Variants in SIMC1 observed in about 807,000 individuals in gnomAD.
SIMC1 encodes SUMO-interacting motif-containing protein 1.
Under a neutral mutation model 82.3 loss-of-function variants are expected in SIMC1, and 55 were observed. The observed-to-expected ratio is 0.67, with a 90% confidence interval of 0.54 to 0.84. The LOEUF (loss-of-function observed/expected upper bound fraction) is 0.84. Among genes scored for constraint, SIMC1 ranks in the 40% least tolerant of loss-of-function variants. The probability of loss-of-function intolerance (pLI) is 0.00; values close to 1 mark genes in which losing one functional copy is unlikely to be tolerated. For missense variants in SIMC1, 915 were observed against 1,107.2 expected, an observed-to-expected ratio of 0.83 and a Z score of 2.46; for synonymous variants, 353 against 426.3, an observed-to-expected ratio of 0.83 and a Z score of 2.12.
At chr5:176,247,465 T>G (rs1284582122) in intron 1 of SIMC1, among the ~76,000 whole-genome samples, 2 of 152,124 alleles carry the variant, frequency 1.3e-5, no homozygotes, top group Non-Finnish European at 2.9e-5. Context: ...GTTTGTTTTT[T>G]TCTTGTAAAT....
chr5:176,325,214 C>G (rs1485998634), intron 7 of SIMC1, among the ~76,000 whole-genome samples: 1 of 152,044 alleles, frequency 6.6e-6, no homozygotes, highest in African/African-American at 2.4e-5. Flanking sequence ...TGGTGAAACC[C>G]TGTCTCTACT....
At chr5:176,315,945 C>T (rs1035236635) in intron 5 of SIMC1, among the ~76,000 whole-genome samples, 8 of 151,636 alleles carry the variant, frequency 5.3e-5, no homozygotes, top group Non-Finnish European at 5.9e-5. Context: ...GAGGCCAAGG[C>T]GGGCAGATCA....
Position 176,322,328 on chromosome 5 carries a change from C to G in SIMC1, c.1945C>G (p.Pro649Ala), listed in dbSNP as rs779960622. The change falls in exon 6 of 10, where the codon CCA becomes GCA. Residue 649 changes from proline to alanine, a missense_variant. This residue lies in a region of SIMC1 where 902 missense variants were observed against 1,040.3 expected (regional missense o/e 0.87). Coordinates refer to ENST00000429602, the MANE Select transcript of SIMC1 (RefSeq NM_001308195.2). ...AACTGAAGATGGATTGACTCAGCCCCCAAATGGAAATCAAACGTCTTCAGG... is the reference window on the plus strand; with the variant it reads ...AACTGAAGATGGATTGACTCAGCCCGCAAATGGAAATCAAACGTCTTCAGG... ...AVTEDGLTQP[P>A]NGNQTSSGTG... 2 of 1,589,496 alleles carry G rather than the reference C, an allele frequency of 1.3e-6. No individual in the cohort carries two copies. The highest frequency in any genetic ancestry group is 2.3e-5 in the South Asian group (2 of 87,136).
At chr5:176,273,334 C>A (rs896490639) in intron 1 of SIMC1, among the ~76,000 whole-genome samples, 1 of 152,102 alleles carries the variant, frequency 6.6e-6, no homozygotes, top group Non-Finnish European at 1.5e-5. Flanking sequence ...CTGGAATGGA[C>A]CTCCAGCAAA....
intron 1 of SIMC1, among the ~76,000 whole-genome samples, chr5:176,279,623 T>G (rs954797724): frequency 2.6e-4 from 39 of 150,844 alleles, no homozygotes; most frequent in Non-Finnish European, 4.6e-4. Context: ...TGCTATAAAT[T>G]TCCCTCTACA....
chr5:176,331,980 A>G (rs1264538085), intron 7 of SIMC1, among the ~76,000 whole-genome samples: 1 of 152,132 alleles, frequency 6.6e-6, no homozygotes, highest in Admixed American at 6.5e-5. Flanking sequence ...AAAAAAACAA[A>G]CAAACACAAA....
chr5:176,271,052 C>A (rs1383418655), intron 1 of SIMC1, among the ~76,000 whole-genome samples: 1 of 152,270 alleles, frequency 6.6e-6, no homozygotes, highest in South Asian at 2.1e-4. Flanking sequence ...GCACAACTCA[C>A]AGCACCGGGA....
In SIMC1 at chr5:176,295,079, T is replaced by C. The variant is rs953619602; in HGVS notation, c.1481T>C (p.Val494Ala). The C allele has an allele frequency of 6.2e-7, 1 of 1,612,958 alleles. No individual in the cohort carries two copies. Among genetic ancestry groups the C allele is most frequent in the African/African-American group, 1.3e-5 (1 of 74,644 alleles). Residue 494 changes from valine to alanine, a missense_variant, in exon 3 of 10, where the codon GTA (valine) becomes GCA (alanine). Val to Ala is a moderately conservative substitution (Grantham distance 64, BLOSUM62 0). Transcript: ENST00000429602. ...EPIPHRRLRM[V>A]TNTIEENFPL... ...ATCCCTCATCGAAGACTAAGAATGGTAACAAATACCATTGAAGAGAATTTT... is the reference window on the plus strand; with the variant it reads ...ATCCCTCATCGAAGACTAAGAATGGCAACAAATACCATTGAAGAGAATTTT...
chr5:176,290,105 G>A lies in SIMC1; in HGVS notation c.581G>A (p.Ser194Asn), dbSNP rs1171648749. The change falls in exon 2 of 10, where the codon AGC becomes AAC. Residue 194 changes from serine (S) to asparagine (N), a missense_variant. Physicochemically the swap from Ser to Asn is conservative, Grantham distance 46 (BLOSUM62 1). This residue lies in a region of SIMC1 where 902 missense variants were observed against 1,040.3 expected (regional missense o/e 0.87). Coordinates refer to ENST00000429602, the MANE Select transcript of SIMC1 (RefSeq NM_001308195.2). ...SLSPTSNNSR[S>N]SSSSSNQKAP... is the part of the protein sequence containing the mutation. The stretch of plus-strand genomic sequence containing the variant: ...TCCCCAACAAGCAATAATAGTAGGA[G>A]CAGCAGCAGCAGCAGCAATCAAAAA... The A allele has an allele frequency of 1.3e-6, 2 of 1,599,268 alleles. No homozygotes were observed. Among genetic ancestry groups the A allele is most frequent in the African/African-American group, 1.3e-5 (1 of 74,516 alleles).
chr5:176,258,620 T>G (rs1470944661), intron 1 of SIMC1, among the ~76,000 whole-genome samples: 1 of 151,638 alleles, frequency 6.6e-6, no homozygotes, highest in African/African-American at 2.4e-5. Flanking sequence ...AGAGTCTTGC[T>G]CTCTCACCCA....
At chr5:176,308,627 A>G (rs931878558) in intron 4 of SIMC1, 4 of 1,585,578 alleles carry the variant, frequency 2.5e-6, no homozygotes, top group Non-Finnish European at 3.5e-6. Context: ...TTCATGGTCC[A>G]CAAGACTTCT....
intron 1 of SIMC1, among the ~76,000 whole-genome samples, chr5:176,266,053 G>T (rs559781448): frequency 6.6e-6 from 1 of 152,182 alleles, no homozygotes; most frequent in Non-Finnish European, 1.5e-5. Flanking sequence ...GAGCAATGCA[G>T]TTGGATTCTA....
At chr5:176,306,936 A>G (rs925654605) in intron 4 of SIMC1, among the ~76,000 whole-genome samples, 1 of 152,076 alleles carries the variant, frequency 6.6e-6, no homozygotes, top group Non-Finnish European at 1.5e-5. Flanking sequence ...AAAAAAAATA[A>G]TAAAGAACTC....
chr5:176,259,069 A>T (rs902042451), intron 1 of SIMC1, among the ~76,000 whole-genome samples: 2 of 151,626 alleles, frequency 1.3e-5, no homozygotes, highest in Admixed American at 6.6e-5. Context: ...CATTTACTTC[A>T]CTCCAGAAGG....
intron 4 of SIMC1, among the ~76,000 whole-genome samples, chr5:176,304,625 G>A (rs1362623019): frequency 1.4e-5 from 2 of 146,986 alleles, no homozygotes; most frequent in African/African-American, 5.0e-5. Context: ...TGGGAAGTGA[G>A]GAGTGTCTCT....
intron 6 of SIMC1, among the ~76,000 whole-genome samples, chr5:176,324,006 A>C (rs1171826047): frequency 6.6e-6 from 1 of 151,260 alleles, no homozygotes; most frequent in East Asian, 1.9e-4. Context: ...AAAAAAAAAA[A>C]AAAAAAAACA....
At chr5:176,314,074 C>T (rs1764794892) in intron 5 of SIMC1, among the ~76,000 whole-genome samples, 1 of 152,170 alleles carries the variant, frequency 6.6e-6, no homozygotes, top group Non-Finnish European at 1.5e-5. Context: ...CGAAACCAGC[C>T]TGGCCAACAT....
At chr5:176,250,978 G>GTGTGAATTTGA (rs1171683307) in intron 1 of SIMC1, among the ~76,000 whole-genome samples, 1 of 152,176 alleles carries the variant, frequency 6.6e-6, no homozygotes, top group Non-Finnish European at 1.5e-5. Flanking sequence ...TTAATATTAT[G>GTGTGAATTTGA]TGTGAATTTG....
At chr5:176,329,742 G>T (rs1169177335) in intron 7 of SIMC1, among the ~76,000 whole-genome samples, 2 of 152,068 alleles carry the variant, frequency 1.3e-5, no homozygotes. Flanking sequence ...ATTCAAAAAC[G>T]ATTTTATGTG....
Sources: allele counts gnomAD v4.1 joint callset (sites outside exome capture counted in the v4.1 genomes callset), GRCh38; gene constraint gnomAD v4.1.1; regional missense constraint gnomAD v4.1.1; transcripts MANE v1.5; gene names NCBI Gene and HGNC (gene_info 2026-07-23, HGNC 2026-07-21).